The following EVC variants were observed in gnomAD, a reference collection of about 807,000 sequenced individuals.
The protein encoded by EVC is EvC ciliary complex subunit 1.
Under a neutral mutation model 118.9 loss-of-function variants are expected in EVC, and 116 were observed. The ratio of observed to expected loss-of-function variants is 0.98; its 90% CI spans 0.84 to 1.14. The LOEUF (loss-of-function observed/expected upper bound fraction) is 1.14, where lower values mean the gene tolerates loss of function less well. Among genes scored for constraint, EVC ranks in the 50% most tolerant of loss-of-function variants. EVC has a pLI of 0.00. For synonymous variants in EVC, 619 were observed against 534.7 expected, an observed-to-expected ratio of 1.16 and a Z score of -2.18; for missense variants, 1,401 against 1,246.4, an observed-to-expected ratio of 1.12 and a Z score of -1.87.
At chr4:5,728,089 G>GT (rs532593968) in intron 2 of EVC, among the ~76,000 whole-genome samples, 136 of 152,198 alleles carry the variant, frequency 8.9e-4, no homozygotes, top group African/African-American at 3.0e-3. Context: ...CTTTAAAGTG[G>GT]TTTTTTCCAG....
chr4:5,784,592 T>C (rs978500164), intron 12 of EVC, among the ~76,000 whole-genome samples: 36 of 149,784 alleles, frequency 2.4e-4, no homozygotes, highest in African/African-American at 8.8e-4. Context: ...AGGAAACTAA[T>C]ACAATACACA....
At chr4:5,771,551 G>A (rs1321569253) in intron 11 of EVC, among the ~76,000 whole-genome samples, 2 of 152,192 alleles carry the variant, frequency 1.3e-5, no homozygotes, top group African/African-American at 2.4e-5. Context: ...GACATCTTTA[G>A]GGAGACATTC....
chr4:5,787,003 C>T (rs1196746856), intron 12 of EVC, among the ~76,000 whole-genome samples: 4 of 152,116 alleles, frequency 2.6e-5, no homozygotes, highest in Non-Finnish European at 5.9e-5. Flanking sequence ...AAAGCACCAG[C>T]GAAGCTATTC....
intron 2 of EVC, among the ~76,000 whole-genome samples, chr4:5,722,126 G>A (rs1725058281): frequency 6.6e-6 from 1 of 152,140 alleles, no homozygotes; most frequent in Non-Finnish European, 1.5e-5. Context: ...TAACCTGTCT[G>A]AGCCTCAAGT....
chr4:5,785,661 A>T (rs1736310863), intron 12 of EVC, among the ~76,000 whole-genome samples: 1 of 152,128 alleles, frequency 6.6e-6, no homozygotes, highest in Admixed American at 6.5e-5. Context: ...TTTGGCTATG[A>T]GTTCCTTGAG....
At position 5,754,042 on chromosome 4, in the gene EVC, C is replaced by G; in HGVS notation, c.1464+109C>G. 1 of 1,418,570 alleles carries G rather than the reference C, an allele frequency of 7.0e-7. No homozygotes were observed. Among genetic ancestry groups the G allele is most frequent in the East Asian group, 2.3e-5 (1 of 43,284 alleles). 87.9% of individuals were successfully genotyped at this position (1,418,570 alleles called of 1,614,324 possible). A position where few individuals can be genotyped will look rare whatever the true frequency, so the allele number is the denominator to read the frequency against. On this transcript the variant is annotated intron_variant, in intron 10 of 20. Transcript: ENST00000264956. This position sits in a 1 kb window ranked among gnomAD's most constrained non-coding sequence, Gnocchi z 5.8. ...ATTCATCAGGCATGAGGTTATCTGC[C>G]TACTTCCCATGTGTCAGCCGAGTGA...
the EVC span, chr4:5,825,967 G>T: frequency 9.5e-6 from 4 of 422,616 alleles, no homozygotes; most frequent in Non-Finnish European, 1.7e-5. This position sits in a 1 kb window ranked among gnomAD's most constrained non-coding sequence, Gnocchi z 4.4. Flanking sequence ...TGCACATGCA[G>T]TAACAAAACA....
At chr4:5,780,436 T>G (rs1177737219) in intron 11 of EVC, among the ~76,000 whole-genome samples, 1 of 152,228 alleles carries the variant, frequency 6.6e-6, no homozygotes, top group Non-Finnish European at 1.5e-5. Flanking sequence ...TTGCTCATCT[T>G]CTCTGTGCCT....
intron 5 of EVC, among the ~76,000 whole-genome samples, chr4:5,736,752 C>T (rs1406557762): frequency 6.6e-6 from 1 of 152,172 alleles, no homozygotes; most frequent in African/African-American, 2.4e-5. Context: ...AGACAACAAA[C>T]TTAATTAATA....
At chr4:5,765,092 G>C (rs1732665771) in intron 11 of EVC, among the ~76,000 whole-genome samples, 1 of 115,562 alleles carries the variant, frequency 8.7e-6, no homozygotes, top group Admixed American at 7.8e-5. Context: ...CAGAGATTTT[G>C]GTATGTTGTG....
chr4:5,732,302 C>T (rs892844060), intron 4 of EVC, among the ~76,000 whole-genome samples: 3 of 152,170 alleles, frequency 2.0e-5, no homozygotes, highest in Admixed American at 6.5e-5. Flanking sequence ...TCCAAAATTC[C>T]GCTGAGTCCA....
rs1728822923 is a variant in EVC at position 5,742,907 on chromosome 4, G to A, written c.801+1093G>A. Among the ~76,000 whole-genome samples, 1 of 152,228 alleles carries A rather than the reference G, an allele frequency of 6.6e-6. No individual in the cohort carries two copies. Among genetic ancestry groups the A allele is most frequent in the Admixed American group, 6.5e-5 (1 of 15,284 alleles). Reference sequence around the variant, plus strand: ...TTAGTGAATGGTGCCACTCCTTGCGGAGCAGGGCTAACCCGTAGGCAGTGT... The same window carrying A: ...TTAGTGAATGGTGCCACTCCTTGCGAAGCAGGGCTAACCCGTAGGCAGTGT... On this transcript the variant is annotated intron_variant, in intron 6 of 20. Transcript: ENST00000264956. The surrounding 1 kb of genome is among the most constrained non-coding windows in gnomAD (Gnocchi z 5.2).
intron 2 of EVC, among the ~76,000 whole-genome samples, chr4:5,721,014 C>G (rs1345479996): frequency 6.6e-6 from 1 of 152,110 alleles, no homozygotes; most frequent in East Asian, 1.9e-4. Flanking sequence ...ATGTCCCAGT[C>G]CATCACTCTC....
rs1560425347 is a variant in EVC at position 5,797,187 on chromosome 4, C to T, written c.2052C>T (p.Ser684=). ...LREQRALEQG[S]SQCLDEHQWQ... ...AACAGCGTGCACTGGAGCAGGGGTC[C>T]TCCCAGTGCCTGGACGAGCATCAGT... The change falls in exon 14 of 21, where the codon TCC becomes TCT. Residue 684 remains serine, a synonymous_variant. Coordinates refer to ENST00000264956, the MANE Select transcript of EVC (RefSeq NM_153717.3). The T allele has an allele frequency of 2.5e-6, 4 of 1,613,050 alleles. No homozygotes were observed. Among genetic ancestry groups the T allele is most frequent in the Admixed American group, 1.7e-5 (1 of 60,010 alleles).
intron 11 of EVC, among the ~76,000 whole-genome samples, chr4:5,765,022 T>C (rs1467319953): frequency 8.3e-6 from 1 of 120,170 alleles, no homozygotes; most frequent in Non-Finnish European, 1.8e-5. Context: ...TCTTTCCTGC[T>C]TCCTCTTGTG....
At chr4:5,820,806 A>AT in the EVC span, 2 of 151,160 alleles carry the variant, frequency 1.3e-5, no homozygotes, top group Admixed American at 6.6e-5. Context: ...CATTTTCTTT[A>AT]TTTTTTCACA....
In EVC at chr4:5,748,321, G is replaced by T. The variant is rs563257565; in HGVS notation, c.1098+15G>T. The T allele has an allele frequency of 6.2e-7, 1 of 1,613,792 alleles. No individual in the cohort carries two copies. Among genetic ancestry groups the T allele is most frequent in the Non-Finnish European group, 8.5e-7 (1 of 1,179,858 alleles). ...TGCAGGCTCTGGTAATGCTGGAGGG[G>T]GCGGGAGGGAACATAAAGATATTCA... is the stretch of plus-strand genomic sequence containing the variant. On this transcript the variant is annotated intron_variant, in intron 8 of 20. Transcript: ENST00000264956.
intron 1 of EVC, among the ~76,000 whole-genome samples, chr4:5,715,371 C>G (rs907408509): frequency 6.6e-6 from 1 of 152,198 alleles, no homozygotes; most frequent in Admixed American, 6.5e-5. Context: ...TATTCTTGGG[C>G]TCTACCCCAG....
At chr4:5,793,279 AT>A (rs1713140306) in intron 12 of EVC, among the ~76,000 whole-genome samples, 1 of 152,350 alleles carries the variant, frequency 6.6e-6, no homozygotes, top group Non-Finnish European at 1.5e-5. Context: ...CAGAAAAAAA[AT>A]AAATTATTTA....
Sources: gnomAD v4.1 joint callset for allele counts (sites outside exome capture counted in the v4.1 genomes callset) on GRCh38, gnomAD v4.1.1 for gene constraint, Gnocchi (gnomAD v3.1) non-coding constraint, MANE v1.5 for transcripts, NCBI Gene and HGNC (gene_info 2026-07-23, HGNC 2026-07-21) for gene names.